DOCK1: variants seen among roughly 807,000 people sequenced by gnomAD.
The protein encoded by DOCK1 is dedicator of cytokinesis 1.
Under a neutral mutation model 262.7 loss-of-function variants are expected in DOCK1, and 138 were observed. The ratio of observed to expected loss-of-function variants is 0.53; its 90% CI spans 0.46 to 0.61. DOCK1 has a LOEUF of 0.61. DOCK1 is among the 20% of genes least tolerant of loss of function. The pLI, the probability that DOCK1 is intolerant of heterozygous loss-of-function variation, is 0.00. For synonymous variants in DOCK1, 866 were observed against 867.4 expected (o/e 1.00, Z 0.03); for missense variants, 1,908 against 2,370.7 (o/e 0.80, Z 4.05).
chr10:127,006,869 T>A (rs1173184560), intron 10 of DOCK1, among the ~76,000 whole-genome samples: 1 of 151,884 alleles, frequency 6.6e-6, no homozygotes, highest in Admixed American at 6.6e-5. Context: ...CCAGCTGGCA[T>A]GTGAGGGTGG....
chr10:127,258,412 A>C (rs1452623115), intron 29 of DOCK1, among the ~76,000 whole-genome samples: 1 of 152,236 alleles, frequency 6.6e-6, no homozygotes, highest in African/African-American at 2.4e-5. Flanking sequence ...AGCTTTCAGC[A>C]TGGCTGTTTT....
chr10:127,321,844 TG>T, intron 29 of DOCK1, among the ~76,000 whole-genome samples: 1 of 152,212 alleles, frequency 6.6e-6, no homozygotes, highest in Admixed American at 6.5e-5. Flanking sequence ...GGCTCACACC[TG>T]TAATCCCAGC....
At chr10:127,412,798 C>T (rs7921100) in intron 43 of DOCK1, among the ~76,000 whole-genome samples, 134,562 of 152,256 alleles carry the variant, frequency 0.88, 59,531 homozygotes, top group East Asian at 0.91. Flanking sequence ...CTTCCAGCCC[C>T]GAGGCCAGAT....
chr10:127,130,818 G>GT (rs1422159557), intron 27 of DOCK1, among the ~76,000 whole-genome samples: 1 of 152,156 alleles, frequency 6.6e-6, no homozygotes, highest in African/African-American at 2.4e-5. Context: ...TGGTTCCCAT[G>GT]TATGCTGTCA....
intron 27 of DOCK1, among the ~76,000 whole-genome samples, chr10:127,216,841 C>A (rs1453844343): frequency 6.6e-6 from 1 of 152,162 alleles, no homozygotes; most frequent in Non-Finnish European, 1.5e-5. Context: ...ATAAAAGAGT[C>A]AGACCAAGTA....
rs34596370 is a variant in DOCK1, at chr10:126,992,737, GACACAC to G, written c.473+2156_473+2161del. Among the ~76,000 whole-genome samples, 62 of 133,434 alleles carry G rather than the reference GACACAC, an allele frequency of 4.6e-4. No individual in the cohort carries two copies. In the South Asian group the frequency reaches 7.3e-3, roughly 16 times the overall value. 87.5% of individuals were successfully genotyped at this position (133,434 alleles called of 152,430 possible). ...CAGGCACACAGACCCCCCCAACACA[GACACAC>G]ACACACACACACACACACACAGACA... On this transcript the variant is annotated intron_variant, in intron 6 of 51. Coordinates refer to ENST00000623213, the MANE Select transcript of DOCK1 (RefSeq NM_001290223.2).
chr10:127,216,007 A>G (rs1475109183), intron 27 of DOCK1, among the ~76,000 whole-genome samples: 2 of 152,118 alleles, frequency 1.3e-5, no homozygotes, highest in African/African-American at 2.4e-5. Context: ...GCTGCTTTCC[A>G]TCTGAAACGT....
intron 30 of DOCK1, among the ~76,000 whole-genome samples, chr10:127,341,837 A>G (rs1028966126): frequency 6.6e-6 from 1 of 152,174 alleles, no homozygotes; most frequent in Non-Finnish European, 1.5e-5. Context: ...AGGAGGGTTT[A>G]GCAGGAATCG....
chr10:127,061,115 C>G (rs2045501590), intron 22 of DOCK1, among the ~76,000 whole-genome samples: 1 of 152,138 alleles, frequency 6.6e-6, no homozygotes, highest in Non-Finnish European at 1.5e-5. Context: ...GTAATCCCAC[C>G]TACTTGGGAG....
At chr10:127,206,413 G>A (rs1294738169) in intron 27 of DOCK1, among the ~76,000 whole-genome samples, 1 of 151,972 alleles carries the variant, frequency 6.6e-6, no homozygotes, top group Admixed American at 6.6e-5. Context: ...CAAAGTGCTG[G>A]GATTAAAGGC....
At chr10:127,218,921 G>A (rs1025866206) in intron 27 of DOCK1, among the ~76,000 whole-genome samples, 4 of 152,164 alleles carry the variant, frequency 2.6e-5, no homozygotes, top group African/African-American at 9.7e-5. Flanking sequence ...CTCTGGAGGG[G>A]AGAAAGCTGT....
chr10:127,251,863 G>A (rs2059658958), intron 28 of DOCK1, among the ~76,000 whole-genome samples: 1 of 148,602 alleles, frequency 6.7e-6, no homozygotes, highest in Non-Finnish European at 1.5e-5. Flanking sequence ...TGTCTTTATA[G>A]CAGCATGATT....
chr10:127,417,002 A>G (rs2134450559), intron 44 of DOCK1, among the ~76,000 whole-genome samples: 1 of 152,282 alleles, frequency 6.6e-6, no homozygotes, highest in East Asian at 1.9e-4. Context: ...AACCTCTGTT[A>G]TGTCCACAGC....
intron 46 of DOCK1, among the ~76,000 whole-genome samples, chr10:127,423,131 G>A (rs1013169171): frequency 2.0e-5 from 3 of 152,136 alleles, no homozygotes; most frequent in Admixed American, 2.0e-4. Context: ...TGGAAAACCC[G>A]TATCTTGGTA....
At chr10:126,968,898 C>T (rs1041293834) in intron 1 of DOCK1, among the ~76,000 whole-genome samples, 4 of 152,180 alleles carry the variant, frequency 2.6e-5, no homozygotes, top group Non-Finnish European at 4.4e-5. Flanking sequence ...AGGACACTTA[C>T]ATTTTATGAA....
intron 29 of DOCK1, among the ~76,000 whole-genome samples, chr10:127,279,179 C>G (rs1221103412): frequency 6.6e-6 from 1 of 152,156 alleles, no homozygotes; most frequent in Non-Finnish European, 1.5e-5. Context: ...TGAAATGCCC[C>G]AAATTACTAG....
intron 10 of DOCK1, among the ~76,000 whole-genome samples, chr10:127,003,416 C>T (rs1316446763): frequency 1.3e-5 from 2 of 152,336 alleles, no homozygotes; most frequent in Non-Finnish European, 2.9e-5. Flanking sequence ...CATTTGTTTT[C>T]CTCTGTGGGA....
At chr10:127,349,569 A>C (rs1330761813) in intron 31 of DOCK1, among the ~76,000 whole-genome samples, 2 of 152,136 alleles carry the variant, frequency 1.3e-5, no homozygotes, top group Non-Finnish European at 2.9e-5. Context: ...TTGGGTCAGA[A>C]TATTCACTTA....
intron 13 of DOCK1, chr10:127,019,078 G>T (rs2042219164): frequency 2.0e-6 from 1 of 507,474 alleles, no homozygotes; most frequent in Admixed American, 3.8e-5. Flanking sequence ...GATTGTGTGA[G>T]GGGGGCGTGG....
Sources: gnomAD v4.1 joint callset for allele counts (sites outside exome capture counted in the v4.1 genomes callset) on GRCh38, gnomAD v4.1.1 for gene constraint, MANE v1.5 for transcripts, NCBI Gene and HGNC (gene_info 2026-07-23, HGNC 2026-07-21) for gene names.